Variants in KIF1A observed in about 807,000 individuals in gnomAD.
The protein encoded by KIF1A is kinesin family member 1A.
A neutral mutation model predicts 227.3 loss-of-function variants in KIF1A; 46 were observed. The ratio of observed to expected loss-of-function variants is 0.20; its 90% CI spans 0.16 to 0.26. The LOEUF is 0.26. Among genes scored for constraint, KIF1A ranks in the 10% least tolerant of loss-of-function variants. KIF1A has a pLI of 1.00. For missense variants in KIF1A, 1,683 were observed against 2,485.9 expected (o/e 0.68, Z 6.87); for synonymous variants, 1,022 against 1,012.8 (o/e 1.01, Z -0.17).
In KIF1A at chr2:240,788,031, G is replaced by A. The variant is rs199804274; in HGVS notation, c.363+20C>T. 347 of 667,318 alleles carry A rather than the reference G, an allele frequency of 5.2e-4. 4 individuals are homozygous for A. In the African/African-American group the frequency reaches 6.5e-3, roughly 13 times the overall value. 41.3% of individuals were successfully genotyped at this position (667,318 alleles called of 1,614,324 possible). A position where few individuals can be genotyped will look rare whatever the true frequency, so the allele number is the denominator to read the frequency against. On this transcript the variant is annotated intron_variant, in intron 4 of 48. Transcript: ENST00000498729. This position sits in a 1 kb window ranked among gnomAD's most constrained non-coding sequence, Gnocchi z 6.6. ...CGCCCCATCTGCCAGGGCTGCCCCC[G>A]CCCGCCCCCCGCTTCGTGCCTGTGG...
At chr2:240,735,836 A>T (rs1432488649) in intron 38 of KIF1A, among the ~76,000 whole-genome samples, 1 of 149,492 alleles carries the variant, frequency 6.7e-6, no homozygotes, top group East Asian at 2.0e-4. Context: ...CTCCCCCCTC[A>T]TGGCACCACC....
chr2:240,735,685 C>T (rs1050826288), intron 38 of KIF1A, among the ~76,000 whole-genome samples: 7 of 152,182 alleles, frequency 4.6e-5, no homozygotes, highest in African/African-American at 1.4e-4. Context: ...CTGCAGGCAG[C>T]GCCCGTGCTG....
chr2:240,783,467 C>T (rs947724376), intron 8 of KIF1A, among the ~76,000 whole-genome samples: 4 of 152,232 alleles, frequency 2.6e-5, no homozygotes, highest in Non-Finnish European at 5.9e-5. Context: ...CCAATCTCCC[C>T]AGGGAAGACC....
Position 240,789,112 on chromosome 2 carries a change from G to T in KIF1A, c.183+124C>A. On this transcript the variant is annotated intron_variant, in intron 3 of 48. Transcript: ENST00000498729. This position sits in a 1 kb window ranked among gnomAD's most constrained non-coding sequence, Gnocchi z 4.8. The stretch of plus-strand genomic sequence containing the variant: ...CCGCTCAGGGTGACCTTCCAGGGGA[G>T]CAGGGTGGGGTCCTCGCCCCAGTTA... 1.3e-6 allele frequency: 1 copy of T among 743,252 alleles called. No homozygotes were observed. The allele number at this position is 743,252 out of a possible 1,614,324, so 46.0% of individuals were successfully genotyped here. A position where few individuals can be genotyped will look rare whatever the true frequency, so the allele number is the denominator to read the frequency against.
intron 30 of KIF1A, 40 bp from the exon 31 acceptor site, chr2:240,745,949 A>G (rs764275042): frequency 1.3e-6 from 2 of 1,593,044 alleles, no homozygotes; most frequent in Non-Finnish European, 8.6e-7. Flanking sequence ...CCTCCAGGCC[A>G]TATTGTCTTC....
intron 47 of KIF1A, 114 bp downstream of exon 47, chr2:240,718,892 T>G: frequency 1.2e-6 from 1 of 823,644 alleles, no homozygotes; most frequent in African/African-American, 1.7e-5. Flanking sequence ...CAGGACGGAG[T>G]CTGGGGTGAG....
At chr2:240,810,627 G>A (rs1025539424) in intron 1 of KIF1A, among the ~76,000 whole-genome samples, 1 of 152,204 alleles carries the variant, frequency 6.6e-6, no homozygotes, top group African/African-American at 2.4e-5. Flanking sequence ...CAAAAAGAAT[G>A]GAGACAGCCC....
At chr2:240,760,177 C>T (rs1206879621) in intron 25 of KIF1A, among the ~76,000 whole-genome samples, 2 of 152,242 alleles carry the variant, frequency 1.3e-5, no homozygotes, top group Non-Finnish European at 2.9e-5. Flanking sequence ...CCTCCTCCAC[C>T]TTCCACTGGG....
At chr2:240,812,290 C>G (rs13419992) in intron 1 of KIF1A, among the ~76,000 whole-genome samples, 17 of 152,174 alleles carry the variant, frequency 1.1e-4, no homozygotes, top group Admixed American at 5.2e-4. Context: ...GATGACAAAG[C>G]GTGCCTCAGC....
chr2:240,774,397 CCCCCCA>C (rs1559516785), intron 11 of KIF1A, 136 bp from the exon 12 acceptor site: 1 of 424,826 alleles, frequency 2.4e-6, no homozygotes, highest in South Asian at 3.8e-5. Context: ...GCTTACCCCC[CCCCCCA>C]CCCCCACCCC....
At position 240,716,656 on chromosome 2, in the gene KIF1A, C is replaced by G. The variant is rs1219354005; in HGVS notation, c.*708G>C. On this transcript the variant is annotated 3_prime_UTR_variant, in exon 49 of 49. Transcript: ENST00000498729. ...CCCAGAAGAGATGTGCGTTCTCCCT[C>G]CCACCAGAGGAACTCACACCACCCT... The G allele has an allele frequency of 6.6e-6, 1 of 152,328 alleles. No homozygotes were observed. The highest frequency in any genetic ancestry group is 1.5e-5 in the Non-Finnish European group (1 of 68,064). 9.4% of individuals were successfully genotyped at this position (152,328 alleles called of 1,614,324 possible).
At position 240,758,554 on chromosome 2, in the gene KIF1A, C is replaced by T. The variant is rs1575583822; in HGVS notation, c.2445-57G>A. 2 of 1,469,172 alleles carry T rather than the reference C, an allele frequency of 1.4e-6. No homozygotes were observed. Among genetic ancestry groups the T allele is most frequent in the South Asian group, 1.4e-5 (1 of 69,996 alleles). The allele number at this position is 1,469,172 out of a possible 1,614,324, so 91.0% of individuals were successfully genotyped here. A position where few individuals can be genotyped will look rare whatever the true frequency, so the allele number is the denominator to read the frequency against. ...AGGCCCAGCGCTCAGCAGCTGGCAC[C>T]GCACACCCTTATCTCCTGGGGACAG... On this transcript the variant is annotated intron_variant, in intron 25 of 48. Coordinates refer to ENST00000498729, the MANE Select transcript of KIF1A (RefSeq NM_001244008.2). The surrounding 1 kb of genome is among the most constrained non-coding windows in gnomAD (Gnocchi z 5.2).
chr2:240,760,587 G>A (rs2050387656), intron 25 of KIF1A, 78 bp downstream of exon 25: 12 of 1,180,502 alleles, frequency 1.0e-5, no homozygotes, highest in Non-Finnish European at 1.4e-5. Flanking sequence ...TGAAGCCTGT[G>A]CCTACCACCG....
Position 240,740,657 on chromosome 2 carries a change from C to A in KIF1A, c.3750-293G>T, listed in dbSNP as rs1559491296. ...TGGATCTTTGTAAGTTCCCAAGGGT[C>A]CTCTGCTTCCCCTCATGCCCTGCAG... On this transcript the variant is annotated intron_variant, in intron 35 of 48. Coordinates refer to ENST00000498729, the MANE Select transcript of KIF1A (RefSeq NM_001244008.2). The surrounding 1 kb of genome is among the most constrained non-coding windows in gnomAD (Gnocchi z 6.1). Among the ~76,000 whole-genome samples the A allele has an allele frequency of 6.6e-6, 1 of 152,068 alleles. No homozygotes were observed. Among genetic ancestry groups the A allele is most frequent in the South Asian group, 2.1e-4 (1 of 4,828 alleles).
intron 1 of KIF1A, among the ~76,000 whole-genome samples, chr2:240,814,204 A>G (rs1457167769): frequency 6.6e-6 from 1 of 152,150 alleles, no homozygotes; most frequent in Non-Finnish European, 1.5e-5. Context: ...GGGCCCACCG[A>G]GTGCCAATAA....
At chr2:240,741,523 C>T in intron 34 of KIF1A, 146 bp from the exon 35 acceptor site, 2 of 616,382 alleles carry the variant, frequency 3.2e-6, no homozygotes, top group South Asian at 2.2e-5. Flanking sequence ...AACCAGCCAA[C>T]CCCAGCCATT....
rs2055227077 is a variant in KIF1A at position 240,788,490 on chromosome 2, A to G, written c.184-260T>C. On this transcript the variant is annotated intron_variant, in intron 3 of 48. Coordinates refer to ENST00000498729, the MANE Select transcript of KIF1A (RefSeq NM_001244008.2). This position sits in a 1 kb window ranked among gnomAD's most constrained non-coding sequence, Gnocchi z 6.6. ...GTTCCAGCAGAGGGAACAGCATGTGAAAGGCCCAGAGGTGAGACCTCAAAG... is the reference window on the plus strand; with the variant it reads ...GTTCCAGCAGAGGGAACAGCATGTGGAAGGCCCAGAGGTGAGACCTCAAAG... Among the ~76,000 whole-genome samples the G allele has an allele frequency of 6.6e-6, 1 of 152,286 alleles. No individual in the cohort carries two copies. Among genetic ancestry groups the G allele is most frequent in the African/African-American group, 2.4e-5 (1 of 41,544 alleles).
chr2:240,734,660 A>AG (rs2047117512), intron 38 of KIF1A: 3 of 1,254,128 alleles, frequency 2.4e-6, no homozygotes, highest in Middle Eastern at 2.2e-4. Context: ...GGGGAGGAGC[A>AG]GGGAGGAAAG....
chr2:240,770,044 A>G lies in KIF1A; in HGVS notation c.1342-338T>C, dbSNP rs1357336983. Among the ~76,000 whole-genome samples, 3 of 152,162 alleles carry G rather than the reference A, an allele frequency of 2.0e-5. No individual in the cohort carries two copies. In the East Asian group the frequency reaches 5.8e-4, roughly 29 times the overall value. On this transcript the variant is annotated intron_variant, in intron 15 of 48. Transcript: ENST00000498729. The stretch of plus-strand genomic sequence containing the variant: ...CAGCCCTCTTCAGGACATGGACGAC[A>G]CTGCCCAACATCAGCCTGGTCTCTC...
Sources: gnomAD v4.1 joint callset for allele counts (sites outside exome capture counted in the v4.1 genomes callset) on GRCh38, gnomAD v4.1.1 for gene constraint, Gnocchi (gnomAD v3.1) non-coding constraint, MANE v1.5 for transcripts, NCBI Gene and HGNC (gene_info 2026-07-23, HGNC 2026-07-21) for gene names.